The following NR6A1 variants were observed in gnomAD, a reference collection of about 807,000 sequenced individuals.
NR6A1 encodes nuclear receptor subfamily 6 group A member 1.
In NR6A1, 7 loss-of-function variants were observed where a neutral mutation model predicts 59.1. That is an observed-to-expected ratio of 0.12 (90% CI 0.07 to 0.22). NR6A1 has a LOEUF of 0.22. Ranked by LOEUF, NR6A1 falls within the 10% of genes least tolerant of loss-of-function variation. The probability of loss-of-function intolerance (pLI) is 1.00; values close to 1 mark genes in which losing one functional copy is unlikely to be tolerated. For synonymous variants in NR6A1, 243 were observed against 236.1 expected (o/e 1.03, Z -0.27); for missense variants, 468 against 611.6 (o/e 0.77, Z 2.48).
intron 2 of NR6A1, among the ~76,000 whole-genome samples, chr9:124,611,396 C>T (rs1020218159): frequency 6.6e-6 from 1 of 152,002 alleles, no homozygotes; most frequent in Non-Finnish European, 1.5e-5. Flanking sequence ...AGAGATCCCC[C>T]AGAGTAGCCA....
chr9:124,588,227 T>C (rs1834991260), intron 2 of NR6A1, among the ~76,000 whole-genome samples: 1 of 152,296 alleles, frequency 6.6e-6, no homozygotes, highest in South Asian at 2.1e-4. Context: ...GCAAATGTTT[T>C]AGTGTATGAT....
At chr9:124,718,364 T>C (rs1325653859) in intron 2 of NR6A1, among the ~76,000 whole-genome samples, 1 of 152,228 alleles carries the variant, frequency 6.6e-6, no homozygotes, top group South Asian at 2.1e-4. Context: ...GGGTTGCAAG[T>C]AGAAGCCTGA....
At chr9:124,731,281 A>C (rs570875547) in intron 2 of NR6A1, among the ~76,000 whole-genome samples, 1 of 152,160 alleles carries the variant, frequency 6.6e-6, no homozygotes, top group Non-Finnish European at 1.5e-5. Flanking sequence ...GATGCAGAAG[A>C]ATCACTTGAA....
At chr9:124,633,254 T>A (rs1836498065) in intron 2 of NR6A1, among the ~76,000 whole-genome samples, 1 of 151,518 alleles carries the variant, frequency 6.6e-6, no homozygotes, top group African/African-American at 2.4e-5. Context: ...AATACAAAAA[T>A]TAGCCGGGCA....
intron 2 of NR6A1, among the ~76,000 whole-genome samples, chr9:124,691,214 C>T (rs1377875134): frequency 6.6e-6 from 1 of 152,168 alleles, no homozygotes; most frequent in Non-Finnish European, 1.5e-5. Flanking sequence ...ACACTGAAAA[C>T]TCAACAAAGC....
chr9:124,594,307 G>A (rs912659523), intron 2 of NR6A1, among the ~76,000 whole-genome samples: 9 of 152,176 alleles, frequency 5.9e-5, no homozygotes, highest in Admixed American at 1.3e-4. Flanking sequence ...AAGAACTGAA[G>A]TTTCAAAACT....
chr9:124,565,428 A>AAAAC (rs896460175), intron 2 of NR6A1, among the ~76,000 whole-genome samples: 20 of 150,790 alleles, frequency 1.3e-4, no homozygotes, highest in East Asian at 9.7e-4. Flanking sequence ...CTCCGTCTCA[A>AAAAC]AAACAAACAA....
rs145539075 is a variant in NR6A1 at position 124,711,886 on chromosome 9, T to C, written c.142+21422A>G. ...AAAAAATCCTCTTGCCTCAGCCTCC[T>C]GAGGAGCTGGGACTATAGGCCCCAT... On this transcript the variant is annotated intron_variant, in intron 2 of 9. Coordinates refer to ENST00000487099, the MANE Select transcript of NR6A1 (RefSeq NM_033334.4). Among the ~76,000 whole-genome samples, 667 of 152,310 alleles carry C rather than the reference T, an allele frequency of 4.4e-3. 6 individuals carry two copies. The highest frequency in any genetic ancestry group is 0.015 in the African/African-American group (632 of 41,572).
At chr9:124,527,251 G>A (rs1832962998) in intron 7 of NR6A1, among the ~76,000 whole-genome samples, 1 of 152,144 alleles carries the variant, frequency 6.6e-6, no homozygotes. Flanking sequence ...GAAGGTCTGG[G>A]ATATAAATGT....
At chr9:124,669,051 C>G (rs777701279) in intron 2 of NR6A1, among the ~76,000 whole-genome samples, 1 of 152,172 alleles carries the variant, frequency 6.6e-6, no homozygotes, top group Non-Finnish European at 1.5e-5. Flanking sequence ...TGAAAACCCT[C>G]TAACAGGACA....
chr9:124,595,687 T>C, intron 2 of NR6A1: 1 of 829,618 alleles, frequency 1.2e-6, no homozygotes, highest in Non-Finnish European at 1.8e-6. Context: ...TCAAGGCTAT[T>C]TGCTCTAAAC....
chr9:124,554,923 G>A (rs1833883405), intron 2 of NR6A1, among the ~76,000 whole-genome samples: 1 of 152,136 alleles, frequency 6.6e-6, no homozygotes, highest in Non-Finnish European at 1.5e-5. Context: ...TACCATATAT[G>A]TAAGGGCCTA....
intron 2 of NR6A1, among the ~76,000 whole-genome samples, chr9:124,589,070 T>C (rs1184123981): frequency 6.6e-6 from 1 of 152,188 alleles, no homozygotes; most frequent in Non-Finnish European, 1.5e-5. Context: ...CCTCTCCCTC[T>C]TCCTGCTCCC....
At chr9:124,614,153 A>T (rs1025207358) in intron 2 of NR6A1, among the ~76,000 whole-genome samples, 1 of 152,192 alleles carries the variant, frequency 6.6e-6, no homozygotes, top group African/African-American at 2.4e-5. Context: ...GAGGCAGGGC[A>T]GCTGGAGTTC....
intron 2 of NR6A1, among the ~76,000 whole-genome samples, chr9:124,659,742 T>C (rs891984167): frequency 2.6e-5 from 4 of 152,206 alleles, no homozygotes; most frequent in Non-Finnish European, 5.9e-5. Context: ...CCTTTAAGCC[T>C]ATGGACATTT....
intron 7 of NR6A1, among the ~76,000 whole-genome samples, chr9:124,531,250 T>A (rs1041446817): frequency 5.3e-5 from 8 of 152,230 alleles, no homozygotes; most frequent in African/African-American, 1.9e-4. Context: ...CATCTTCTCC[T>A]GAGAGGAGTC....
chr9:124,682,192 G>C (rs1838186220), intron 2 of NR6A1, among the ~76,000 whole-genome samples: 1 of 152,052 alleles, frequency 6.6e-6, no homozygotes, highest in Non-Finnish European at 1.5e-5. Flanking sequence ...AGTAGAGACA[G>C]GGTTTCACCA....
At chr9:124,571,136 G>A (rs955723296) in intron 2 of NR6A1, among the ~76,000 whole-genome samples, 2 of 152,196 alleles carry the variant, frequency 1.3e-5, no homozygotes, top group African/African-American at 4.8e-5. Context: ...AGATTATCTA[G>A]AAGAGGTATC....
chr9:124,648,547 G>T (rs1055777794), intron 2 of NR6A1, among the ~76,000 whole-genome samples: 3 of 152,060 alleles, frequency 2.0e-5, no homozygotes, highest in African/African-American at 4.8e-5. Flanking sequence ...CATGAATGCC[G>T]ACTTTCATCC....
Sources: gnomAD v4.1 joint callset for allele counts (sites outside exome capture counted in the v4.1 genomes callset) on GRCh38, gnomAD v4.1.1 for gene constraint, MANE v1.5 for transcripts, NCBI Gene and HGNC (gene_info 2026-07-23, HGNC 2026-07-21) for gene names.